The following CNTNAP5 variants were observed in gnomAD, a reference collection of about 807,000 sequenced individuals.
The protein encoded by CNTNAP5 is contactin-associated protein-like 5.
In CNTNAP5, 72 loss-of-function variants were observed where a neutral mutation model predicts 150.2. The observed-to-expected ratio is 0.48, with a 90% CI of 0.40 to 0.58. The LOEUF (loss-of-function observed/expected upper bound fraction) is 0.58. Ranked by LOEUF, CNTNAP5 falls within the 20% of genes least tolerant of loss-of-function variation. CNTNAP5 has a pLI of 0.00. For missense variants in CNTNAP5, 1,636 were observed against 1,626.2 expected (o/e 1.01, Z -0.10); for synonymous variants, 672 against 619.8 (o/e 1.08, Z -1.25).
chr2:124,451,047 A>ATATATAT (rs1426752191), intron 6 of CNTNAP5, among the ~76,000 whole-genome samples: 3 of 73,594 alleles, frequency 4.1e-5, no homozygotes, highest in African/African-American at 5.4e-5. Context: ...AAAAAAAAAA[A>ATATATAT]AAAAATATAT....
intron 19 of CNTNAP5, among the ~76,000 whole-genome samples, chr2:124,831,054 C>A (rs1314752452): frequency 1.3e-5 from 2 of 151,946 alleles, no homozygotes; most frequent in African/African-American, 4.8e-5. Context: ...ACATAACTGA[C>A]AAAATTTTGT....
At chr2:124,486,704 G>A (rs563523127) in intron 7 of CNTNAP5, among the ~76,000 whole-genome samples, 4 of 152,270 alleles carry the variant, frequency 2.6e-5, no homozygotes, top group Admixed American at 2.0e-4. Context: ...AATGTATGAA[G>A]TCCAAAACCA....
At chr2:124,732,750 C>G (rs1680298114) in intron 13 of CNTNAP5, among the ~76,000 whole-genome samples, 1 of 152,090 alleles carries the variant, frequency 6.6e-6, no homozygotes. Flanking sequence ...CTAAAGAGTA[C>G]TTATTTCAAA....
intron 1 of CNTNAP5, among the ~76,000 whole-genome samples, chr2:124,097,006 A>G (rs1178316877): frequency 6.6e-6 from 1 of 152,044 alleles, no homozygotes; most frequent in African/African-American, 2.4e-5. Context: ...GTCCGGCCCC[A>G]AATCTTTTAA....
intron 13 of CNTNAP5, among the ~76,000 whole-genome samples, chr2:124,654,896 A>G (rs1678407728): frequency 6.6e-6 from 1 of 152,108 alleles, no homozygotes. Context: ...TCTGGAAGAC[A>G]AAATATCAGG....
chr2:124,270,677 C>T (rs981524736), intron 3 of CNTNAP5, among the ~76,000 whole-genome samples: 5 of 151,994 alleles, frequency 3.3e-5, no homozygotes, highest in Non-Finnish European at 7.4e-5. Flanking sequence ...AAATTAAATG[C>T]CACATGTGCG....
chr2:124,124,945 G>A (rs1337432499), intron 1 of CNTNAP5, among the ~76,000 whole-genome samples: 2 of 152,182 alleles, frequency 1.3e-5, no homozygotes, highest in East Asian at 1.9e-4. Context: ...ACCAGTATGA[G>A]CCACTGCAAA....
intron 3 of CNTNAP5, among the ~76,000 whole-genome samples, chr2:124,311,307 T>C (rs1271502574): frequency 6.6e-6 from 1 of 152,140 alleles, no homozygotes; most frequent in Non-Finnish European, 1.5e-5. Flanking sequence ...ATCAAGGTGA[T>C]GGCTGGTTTG....
chr2:124,541,609 A>G (rs1472980321), intron 10 of CNTNAP5, among the ~76,000 whole-genome samples: 1 of 152,144 alleles, frequency 6.6e-6, no homozygotes, highest in Non-Finnish European at 1.5e-5. Context: ...CCCACGCACT[A>G]GGGGGATAAA....
intron 7 of CNTNAP5, among the ~76,000 whole-genome samples, chr2:124,496,604 G>A (rs540365300): frequency 4.6e-5 from 7 of 152,276 alleles, no homozygotes; most frequent in African/African-American, 9.6e-5. Flanking sequence ...CCTTGGAAGC[G>A]TCACACATAA....
chr2:124,439,332 G>T (rs1692617697), intron 5 of CNTNAP5, among the ~76,000 whole-genome samples: 1 of 152,180 alleles, frequency 6.6e-6, no homozygotes, highest in African/African-American at 2.4e-5. Flanking sequence ...GGGGTTAAAA[G>T]TTGGATTTAT....
At chr2:124,199,946 T>C (rs930618549) in intron 1 of CNTNAP5, among the ~76,000 whole-genome samples, 1 of 152,216 alleles carries the variant, frequency 6.6e-6, no homozygotes, top group African/African-American at 2.4e-5. Flanking sequence ...TGCTTTCCAA[T>C]CAACAGAAAT....
chr2:124,361,872 G>T (rs1381899654), intron 3 of CNTNAP5, among the ~76,000 whole-genome samples: 9 of 152,114 alleles, frequency 5.9e-5, no homozygotes, highest in African/African-American at 9.6e-5. Flanking sequence ...GTTTACCTAA[G>T]CAAGCCTGGG....
At chr2:124,167,414 G>C (rs1291588305) in intron 1 of CNTNAP5, among the ~76,000 whole-genome samples, 1 of 152,136 alleles carries the variant, frequency 6.6e-6, no homozygotes, top group Non-Finnish European at 1.5e-5. Context: ...ATCACCAGGA[G>C]TTGTCAAGTA....
At chr2:124,840,124 A>G (rs1307322219) in intron 19 of CNTNAP5, among the ~76,000 whole-genome samples, 2 of 152,110 alleles carry the variant, frequency 1.3e-5, no homozygotes, top group East Asian at 1.9e-4. Context: ...AGCATGAAGT[A>G]TAGGACATCA....
intron 19 of CNTNAP5, among the ~76,000 whole-genome samples, chr2:124,803,105 A>C (rs1421291245): frequency 7.0e-6 from 1 of 143,062 alleles, no homozygotes; most frequent in African/African-American, 2.8e-5. Context: ...ACAGAGCAAG[A>C]CTCCTTCAAA....
At chr2:124,170,265 T>C (rs1018856397) in intron 1 of CNTNAP5, among the ~76,000 whole-genome samples, 5 of 2,200 alleles carry the variant, frequency 2.3e-3, no homozygotes, top group Non-Finnish European at 0.014. Flanking sequence ...TTTGTTTTTG[T>C]TTTTCCTGAA....
At chr2:124,199,627 C>T (rs1352672123) in intron 1 of CNTNAP5, among the ~76,000 whole-genome samples, 1 of 151,998 alleles carries the variant, frequency 6.6e-6, no homozygotes, top group Non-Finnish European at 1.5e-5. Flanking sequence ...GTTGGTCAGG[C>T]TGGTCTTGAA....
intron 7 of CNTNAP5, among the ~76,000 whole-genome samples, chr2:124,490,572 G>A (rs1693997435): frequency 6.6e-6 from 1 of 151,946 alleles, no homozygotes; most frequent in African/African-American, 2.4e-5. Context: ...TTCTACCTTA[G>A]TGTCAAAATT....
Sources: allele counts gnomAD v4.1 joint callset (sites outside exome capture counted in the v4.1 genomes callset), GRCh38; gene constraint gnomAD v4.1.1; transcripts MANE v1.5; gene names NCBI Gene and HGNC (gene_info 2026-07-23, HGNC 2026-07-21).